PRKCA: variants seen among roughly 807,000 people sequenced by gnomAD.
PRKCA encodes protein kinase C alpha type.
A neutral mutation model predicts 87.0 loss-of-function variants in PRKCA; 27 were observed. That is an observed-to-expected ratio of 0.31 (90% CI 0.23 to 0.43). PRKCA has a LOEUF of 0.43. Ranked by LOEUF, PRKCA falls within the 20% of genes least tolerant of loss-of-function variation. The pLI, the probability that PRKCA is intolerant of heterozygous loss-of-function variation, is 1.00. For missense variants in PRKCA, 518 were observed against 852.3 expected (o/e 0.61, Z 4.88); for synonymous variants, 329 against 311.1 (o/e 1.06, Z -0.61).
At chr17:66,703,168 T>G (rs1973102879) in intron 8 of PRKCA, among the ~76,000 whole-genome samples, 1 of 152,212 alleles carries the variant, frequency 6.6e-6, no homozygotes, top group African/African-American at 2.4e-5. Flanking sequence ...CTTTATAAAC[T>G]TTTAAAAAAG....
Position 66,302,830 on chromosome 17 carries a change from C to G in PRKCA, c.-22C>G. 6.8e-7 allele frequency: 1 copy of G among 1,481,394 alleles called. No homozygotes were observed. Among genetic ancestry groups the G allele is most frequent in the South Asian group, 1.2e-5 (1 of 84,436 alleles). The allele number at this position is 1,481,394 out of a possible 1,614,324, so 91.8% of individuals were successfully genotyped here. On this transcript the variant is annotated 5_prime_UTR_variant, in exon 1 of 17. Coordinates refer to ENST00000413366, the MANE Select transcript of PRKCA (RefSeq NM_002737.3). ...CGCGGCCGCAGCTCCCCGGCGGAGG[C>G]AAGAGGTGGTTGGGGGGGACCATGG...
intron 5 of PRKCA, among the ~76,000 whole-genome samples, chr17:66,655,731 A>G (rs1249495824): frequency 6.6e-6 from 1 of 152,162 alleles, no homozygotes; most frequent in African/African-American, 2.4e-5. Flanking sequence ...ATGGAAGTAC[A>G]CAATACAGCA....
intron 8 of PRKCA, among the ~76,000 whole-genome samples, chr17:66,720,239 C>T (rs1281492961): frequency 6.6e-6 from 1 of 152,222 alleles, no homozygotes; most frequent in Non-Finnish European, 1.5e-5. Flanking sequence ...CCGTGCCTAT[C>T]TGGGTCAGAG....
chr17:66,376,347 C>T (rs1263412742), intron 2 of PRKCA, among the ~76,000 whole-genome samples: 3 of 152,186 alleles, frequency 2.0e-5, no homozygotes, highest in Admixed American at 6.5e-5. Context: ...GTGGCTCACG[C>T]CTGTAATCCC....
intron 2 of PRKCA, among the ~76,000 whole-genome samples, chr17:66,309,481 C>G (rs1199794580): frequency 6.6e-6 from 1 of 152,096 alleles, no homozygotes; most frequent in Non-Finnish European, 1.5e-5. Flanking sequence ...GGTATACAAT[C>G]CTGAAAACTG....
At chr17:66,686,934 G>A (rs1018413265) in intron 5 of PRKCA, among the ~76,000 whole-genome samples, 177 bp from the exon 6 acceptor site, 4 of 152,176 alleles carry the variant, frequency 2.6e-5, no homozygotes, top group East Asian at 3.8e-4. Context: ...TATCTCTGCC[G>A]GTGGTGGCAG....
rs370415719 is a variant in PRKCA, at chr17:66,552,986, TC to T, written c.288+56704del. 1.0e-3 allele frequency among the ~76,000 whole-genome samples: 104 copies of T among 100,848 alleles called. 1 individual carries two copies. The South Asian group carries it at 0.011, about 11-fold the overall frequency. 66.2% of individuals were successfully genotyped at this position (100,848 alleles called of 152,430 possible). A position where few individuals can be genotyped will look rare whatever the true frequency, so the allele number is the denominator to read the frequency against. ...ACATTTTATAAAAATCTGAATATTT[TC>T]TTTTTTTTTTTTGAGACAGAGTCTC... On this transcript the variant is annotated intron_variant, in intron 3 of 16. Transcript: ENST00000413366.
intron 8 of PRKCA, among the ~76,000 whole-genome samples, chr17:66,716,475 T>G (rs990526224): frequency 6.6e-6 from 1 of 152,150 alleles, no homozygotes. Context: ...AAAACATTGT[T>G]GCAGATGGAA....
chr17:66,670,247 AG>A, intron 5 of PRKCA, among the ~76,000 whole-genome samples: 1 of 152,360 alleles, frequency 6.6e-6, no homozygotes, highest in Non-Finnish European at 1.5e-5. Flanking sequence ...AGGGATGGGA[AG>A]TCATATAAGG....
chr17:66,438,406 T>C (rs7209311), intron 2 of PRKCA, among the ~76,000 whole-genome samples: 66,670 of 151,860 alleles, frequency 0.44, 16,818 homozygotes, highest in African/African-American at 0.69. Flanking sequence ...GGTGTGAGAT[T>C]GGGAGCCCAA....
At chr17:66,755,951 A>G (rs571458228) in intron 13 of PRKCA, among the ~76,000 whole-genome samples, 2 of 152,260 alleles carry the variant, frequency 1.3e-5, no homozygotes, top group South Asian at 4.2e-4. Context: ...GCAGATACAG[A>G]TAATTACAAC....
chr17:66,736,427 G>A (rs1974028765), intron 10 of PRKCA, among the ~76,000 whole-genome samples: 1 of 151,982 alleles, frequency 6.6e-6, no homozygotes, highest in Admixed American at 6.6e-5. Context: ...ACAGGCCGCT[G>A]CCACCACGCC....
At chr17:66,679,174 C>CTTTTTTTTTTTTTTTTT (rs10714678) in intron 5 of PRKCA, among the ~76,000 whole-genome samples, 4 of 121,056 alleles carry the variant, frequency 3.3e-5, no homozygotes, top group Non-Finnish European at 3.4e-5. Flanking sequence ...ACACTCACAC[C>CTTTTTTTTTTTTTTTTT]TTTTTTTTTT....
At chr17:66,618,422 A>G (rs1470256805) in intron 3 of PRKCA, among the ~76,000 whole-genome samples, 1 of 152,014 alleles carries the variant, frequency 6.6e-6, no homozygotes, top group Non-Finnish European at 1.5e-5. Context: ...AAGTGTATAC[A>G]TACAGTCTTT....
chr17:66,384,716 C>T (rs893010853), intron 2 of PRKCA, among the ~76,000 whole-genome samples: 4 of 152,110 alleles, frequency 2.6e-5, no homozygotes, highest in South Asian at 2.1e-4. Flanking sequence ...GCAAGCTCCA[C>T]CTCCCGTGTT....
chr17:66,585,299 G>C (rs890717196), intron 3 of PRKCA, among the ~76,000 whole-genome samples: 5 of 152,122 alleles, frequency 3.3e-5, no homozygotes, highest in Non-Finnish European at 5.9e-5. Flanking sequence ...TGTTGAACAC[G>C]CCTGACCCCC....
rs17708320 is a variant in PRKCA at position 66,513,596 on chromosome 17, C to T, written c.288+17313C>T. ...AACCTTGAATATTATGGCTGCATAT[C>T]GACTTGGGATCAGTGTCCTCTCTTA... On this transcript the variant is annotated intron_variant, in intron 3 of 16. Coordinates refer to ENST00000413366, the MANE Select transcript of PRKCA (RefSeq NM_002737.3). Among the ~76,000 whole-genome samples, 363 of 152,176 alleles carry T rather than the reference C, an allele frequency of 2.4e-3. 1 individual carries two copies. Among genetic ancestry groups the T allele is most frequent in the Admixed American group, 5.2e-3 (80 of 15,280 alleles).
intron 8 of PRKCA, among the ~76,000 whole-genome samples, chr17:66,709,600 T>C (rs989702944): frequency 6.6e-6 from 1 of 152,004 alleles, no homozygotes; most frequent in Non-Finnish European, 1.5e-5. Flanking sequence ...TGAGCCACCA[T>C]GCCCGGCCTC....
At chr17:66,512,043 C>G (rs976443098) in intron 3 of PRKCA, among the ~76,000 whole-genome samples, 1 of 152,136 alleles carries the variant, frequency 6.6e-6, no homozygotes, top group Non-Finnish European at 1.5e-5. Flanking sequence ...CACAGTAGCG[C>G]CTCTGAAGAA....
Sources: gnomAD v4.1 joint callset for allele counts (sites outside exome capture counted in the v4.1 genomes callset) on GRCh38, gnomAD v4.1.1 for gene constraint, MANE v1.5 for transcripts, NCBI Gene and HGNC (gene_info 2026-07-23, HGNC 2026-07-21) for gene names.